Variants in SLC1A1 observed in about 807,000 individuals in gnomAD.
The protein encoded by SLC1A1 is excitatory amino acid transporter 3.
In SLC1A1, 43 loss-of-function variants were observed where a neutral mutation model predicts 53.3. The ratio of observed to expected loss-of-function variants is 0.81; its 90% CI spans 0.63 to 1.04. The LOEUF is 1.04. Among genes scored for constraint, SLC1A1 ranks in the 50% least tolerant of loss-of-function variants. SLC1A1 has a pLI of 0.00. For synonymous variants in SLC1A1, 307 were observed against 243.2 expected, an observed-to-expected ratio of 1.26 and a Z score of -2.44; for missense variants, 748 against 664.9, an observed-to-expected ratio of 1.12 and a Z score of -1.37.
intron 1 of SLC1A1, among the ~76,000 whole-genome samples, chr9:4,506,488 C>T (rs913624106): frequency 5.9e-5 from 9 of 151,838 alleles, no homozygotes. Context: ...AATAGCATGC[C>T]TGGGTCTCCT....
intron 1 of SLC1A1, among the ~76,000 whole-genome samples, chr9:4,527,340 T>C (rs1338288416): frequency 6.6e-6 from 1 of 152,198 alleles, no homozygotes; most frequent in African/African-American, 2.4e-5. Flanking sequence ...TTTTGAAATA[T>C]TACCCGTGTG....
chr9:4,515,487 C>T (rs1289775921), intron 1 of SLC1A1, among the ~76,000 whole-genome samples: 2 of 152,064 alleles, frequency 1.3e-5, no homozygotes, highest in Admixed American at 6.6e-5. Flanking sequence ...TTGAGTTTGT[C>T]ACTGGGGAAA....
chr9:4,511,596 C>CACACT (rs1554675682), intron 1 of SLC1A1, among the ~76,000 whole-genome samples: 8 of 151,126 alleles, frequency 5.3e-5, no homozygotes, highest in African/African-American at 2.0e-4. Context: ...CACACACACA[C>CACACT]ACACTACACT....
At chr9:4,509,759 G>A (rs112969172) in intron 1 of SLC1A1, among the ~76,000 whole-genome samples, 160 of 152,250 alleles carry the variant, frequency 1.1e-3, no homozygotes, top group Non-Finnish European at 1.9e-3. Flanking sequence ...ATGGCATGAG[G>A]TGCCATGCTG....
At chr9:4,572,478 G>A (rs1315212150) in intron 7 of SLC1A1, 90 bp downstream of exon 7, 14 of 1,163,074 alleles carry the variant, frequency 1.2e-5, no homozygotes, top group South Asian at 2.5e-5. Context: ...TTTGTCAACT[G>A]ATGAAGCTAG....
intron 1 of SLC1A1, among the ~76,000 whole-genome samples, chr9:4,501,352 G>A (rs72687853): frequency 0.034 from 5,152 of 151,396 alleles, 150 homozygotes; most frequent in South Asian, 0.061. Flanking sequence ...CAGACTTTGG[G>A]ACTGGAACTT....
At chr9:4,553,876 T>G (rs1206362831) in intron 2 of SLC1A1, 3 of 152,136 alleles carry the variant, frequency 2.0e-5, no homozygotes, top group Non-Finnish European at 4.4e-5. Flanking sequence ...CACAGAAAGA[T>G]TTTGCATGCT....
chr9:4,573,522 T>A (rs936602573), intron 7 of SLC1A1, among the ~76,000 whole-genome samples: 14 of 152,142 alleles, frequency 9.2e-5, no homozygotes, highest in African/African-American at 3.4e-4. Flanking sequence ...GGGAAACAGA[T>A]GACCGTGGCT....
At chr9:4,560,878 C>A (rs1369671370) in intron 2 of SLC1A1, among the ~76,000 whole-genome samples, 1 of 152,032 alleles carries the variant, frequency 6.6e-6, no homozygotes, top group African/African-American at 2.4e-5. Flanking sequence ...CACCTGTAAT[C>A]CCAGCTACTC....
intron 1 of SLC1A1, 29 bp downstream of exon 1, chr9:4,490,799 C>T (rs377211779): frequency 2.9e-5 from 45 of 1,570,120 alleles, no homozygotes; most frequent in Non-Finnish European, 3.9e-5. Context: ...GGGCGATGCG[C>T]GCACCCTCAC....
intron 10 of SLC1A1, among the ~76,000 whole-genome samples, chr9:4,577,878 C>T (rs1159002652): frequency 6.6e-6 from 1 of 152,144 alleles, no homozygotes; most frequent in Non-Finnish European, 1.5e-5. Context: ...GAAGTCCAGG[C>T]AGGGTATTAG....
At chr9:4,500,400 C>G (rs994259644) in intron 1 of SLC1A1, among the ~76,000 whole-genome samples, 3 of 152,148 alleles carry the variant, frequency 2.0e-5, no homozygotes, top group African/African-American at 7.2e-5. Flanking sequence ...CTCCACCTCC[C>G]AGGTTCAAAC....
chr9:4,564,513 C>T (rs937446126), intron 4 of SLC1A1, 55 bp downstream of exon 4: 11 of 974,164 alleles, frequency 1.1e-5, no homozygotes, highest in Middle Eastern at 4.1e-4. Flanking sequence ...AGCACAAGGC[C>T]TTGTATGTGG....
intron 1 of SLC1A1, among the ~76,000 whole-genome samples, chr9:4,511,896 C>A (rs1410666511): frequency 2.0e-5 from 3 of 152,072 alleles, no homozygotes; most frequent in African/African-American, 7.2e-5. Flanking sequence ...GGTTAACACA[C>A]AAAAATCACT....
At chr9:4,561,883 T>C (rs996364650) in intron 3 of SLC1A1, among the ~76,000 whole-genome samples, 1 of 152,080 alleles carries the variant, frequency 6.6e-6, no homozygotes, top group African/African-American at 2.4e-5. Context: ...TTTAAAAAAT[T>C]GTATGTTAAG....
rs1174129845 is a variant in SLC1A1, at chr9:4,583,017, C to T, written c.1194-21C>T. 5.6e-6 allele frequency: 9 copies of T among 1,614,042 alleles called. No individual in the cohort carries two copies. The highest frequency in any genetic ancestry group is 7.6e-6 in the Non-Finnish European group (9 of 1,180,018). ...GGAGAGGTAAGTGTCTAACTCCTTT[C>T]CTGCTGGTATGTTTCTGCAGTATCA... On this transcript the variant is annotated intron_variant, in intron 10 of 11. Transcript: ENST00000262352. The surrounding 1 kb of genome is among the most constrained non-coding windows in gnomAD (Gnocchi z 4.6).
chr9:4,531,283 G>T (rs916365451), intron 1 of SLC1A1, among the ~76,000 whole-genome samples: 8 of 152,206 alleles, frequency 5.3e-5, no homozygotes, highest in African/African-American at 1.9e-4. Context: ...GAAGCACAAG[G>T]GGTCAGGGAA....
chr9:4,531,119 C>G (rs1030239326), intron 1 of SLC1A1, among the ~76,000 whole-genome samples: 1 of 152,184 alleles, frequency 6.6e-6, no homozygotes, highest in African/African-American at 2.4e-5. Flanking sequence ...GTCTACAGCT[C>G]CCAGCGTGAG....
chr9:4,514,569 G>C (rs989067809), intron 1 of SLC1A1, among the ~76,000 whole-genome samples: 1 of 152,094 alleles, frequency 6.6e-6, no homozygotes, highest in Non-Finnish European at 1.5e-5. Flanking sequence ...TCAGATAAAT[G>C]AGAGAGCAGA....
Sources: gnomAD v4.1 joint callset for allele counts (sites outside exome capture counted in the v4.1 genomes callset) on GRCh38, gnomAD v4.1.1 for gene constraint, Gnocchi (gnomAD v3.1) non-coding constraint, MANE v1.5 for transcripts, NCBI Gene and HGNC (gene_info 2026-07-23, HGNC 2026-07-21) for gene names.